ARCN1: variants seen among roughly 807,000 people sequenced by gnomAD.
ARCN1 encodes the protein archain 1 coat protein complex I subunit delta.
A neutral mutation model predicts 60.4 loss-of-function variants in ARCN1; 5 were observed. That is an observed-to-expected ratio of 0.08 (90% confidence interval 0.04 to 0.17). ARCN1 has a LOEUF of 0.17. ARCN1 is among the 10% of genes least tolerant of loss of function. The probability of loss-of-function intolerance (pLI) is 1.00; values close to 1 mark genes in which losing one functional copy is unlikely to be tolerated. For synonymous variants in ARCN1, 224 were observed against 220.0 expected (o/e 1.02, Z -0.16); for missense variants, 464 against 626.5 (o/e 0.74, Z 2.77).
intron 5 of ARCN1, among the ~76,000 whole-genome samples, chr11:118,585,282 A>G (rs781943174): frequency 2.6e-5 from 4 of 152,010 alleles, no homozygotes; most frequent in Non-Finnish European, 5.9e-5. Flanking sequence ...TCCTTAAACC[A>G]TGATTGGGGG....
intron 1 of ARCN1, chr11:118,572,943 T>C (rs894631321): frequency 4.2e-6 from 1 of 239,124 alleles, no homozygotes; most frequent in Non-Finnish European, 8.0e-6. Flanking sequence ...TGGGCCTGTC[T>C]CCGGAGGTTC....
intron 8 of ARCN1, among the ~76,000 whole-genome samples, chr11:118,595,747 T>C (rs1307391405): frequency 6.6e-6 from 1 of 152,258 alleles, no homozygotes; most frequent in East Asian, 1.9e-4. Flanking sequence ...TTTACTGTTA[T>C]GTCGCTCAGT....
At chr11:118,594,586 G>A (rs1938985037) in intron 8 of ARCN1, among the ~76,000 whole-genome samples, 1 of 152,040 alleles carries the variant, frequency 6.6e-6, no homozygotes, top group South Asian at 2.1e-4. Context: ...TTTCACTCTT[G>A]TTGCCCAGGC....
At chr11:118,584,397 C>T (rs1254826760) in intron 4 of ARCN1, 83 bp from the exon 5 acceptor site, 19 of 1,311,046 alleles carry the variant, frequency 1.4e-5, no homozygotes, top group Admixed American at 1.1e-4. Context: ...TTTCTCTGGA[C>T]GGGAGATACA....
chr11:118,579,316 C>T (rs1008825583), intron 1 of ARCN1, among the ~76,000 whole-genome samples: 3 of 152,002 alleles, frequency 2.0e-5, no homozygotes, highest in African/African-American at 7.2e-5. Flanking sequence ...AGGGAATTCC[C>T]TACTTTTCTG....
rs1406665234 is a variant in ARCN1, at chr11:118,584,735, CTCTG to C, written c.818+95_818+98del. The C allele has an allele frequency of 6.9e-6, 8 of 1,163,684 alleles. No individual in the cohort carries two copies. The East Asian group carries it at 8.0e-5, about 12-fold the overall frequency. The allele number at this position is 1,163,684 out of a possible 1,614,324, so 72.1% of individuals were successfully genotyped here. ...TATTTCAGTGTGCTATAAATTCTTT[CTCTG>C]TCTTTTAATCGTTCCTGATTTAAAA... On this transcript the variant is annotated intron_variant, in intron 5 of 9. Coordinates refer to ENST00000264028, the MANE Select transcript of ARCN1 (RefSeq NM_001655.5).
chr11:118,578,385 T>C (rs576431815), intron 1 of ARCN1, among the ~76,000 whole-genome samples: 16 of 152,222 alleles, frequency 1.1e-4, no homozygotes, highest in Non-Finnish European at 7.4e-5. Flanking sequence ...TTATTAGATA[T>C]GGGGTTTCTA....
intron 6 of ARCN1, among the ~76,000 whole-genome samples, chr11:118,592,406 G>C (rs1555076443): frequency 6.6e-6 from 1 of 152,102 alleles, no homozygotes; most frequent in East Asian, 1.9e-4. Flanking sequence ...CCTGCTCCCT[G>C]TGAAGTATTT....
chr11:118,581,843 C>T (rs1411967667), intron 2 of ARCN1, among the ~76,000 whole-genome samples: 2 of 152,030 alleles, frequency 1.3e-5, no homozygotes, highest in Non-Finnish European at 2.9e-5. Flanking sequence ...CAGACACACA[C>T]ACACACACCC....
rs1555075065 is a variant in ARCN1 at position 118,583,948 on chromosome 11, C to T, written c.587C>T (p.Thr196Ile). 1 of 1,614,226 alleles carries T rather than the reference C, an allele frequency of 6.2e-7. No individual in the cohort carries two copies. Among genetic ancestry groups the T allele is most frequent in the South Asian group, 1.1e-5 (1 of 91,084 alleles). Residue 196 changes from threonine to isoleucine, a missense_variant, in exon 4 of 10, where the codon ACA becomes ATA. By Grantham distance (89) the Thr-to-Ile change is moderately conservative. This residue lies in a region of ARCN1 where 359 missense variants were observed against 440.2 expected (regional missense o/e 0.82). Transcript: ENST00000264028. ...FGSSAVSGGS[T>I]AAMITETIIE... ...AGCTCTGCAGTATCTGGAGGCAGCA[C>T]AGCTGCCATGATCACAGAGACCATC...
rs1229176059 is a variant in ARCN1 at position 118,601,088 on chromosome 11, A to C, written c.*374A>C. On this transcript the variant is annotated 3_prime_UTR_variant, in exon 10 of 10. Transcript: ENST00000264028. ...TTATTATTATTATTTTTTGAGATGG[A>C]GTCTCACTTTGTAACCCAGGCTGGA... 6.6e-6 allele frequency: 1 copy of C among 151,350 alleles called. No homozygotes were observed. The highest frequency in any genetic ancestry group is 1.5e-5 in the Non-Finnish European group (1 of 68,112). The allele number at this position is 151,350 out of a possible 1,614,324, so 9.4% of individuals were successfully genotyped here.
At chr11:118,587,087 T>C (rs1350458243) in intron 5 of ARCN1, among the ~76,000 whole-genome samples, 1 of 152,184 alleles carries the variant, frequency 6.6e-6, no homozygotes, top group Admixed American at 6.5e-5. Flanking sequence ...TAACAAAATA[T>C]TTTTTGTAGC....
chr11:118,581,366 A>T lies in ARCN1; in HGVS notation c.124A>T (p.Thr42Ser). 2 of 1,614,202 alleles carry T rather than the reference A, an allele frequency of 1.2e-6. No homozygotes were observed. The highest frequency in any genetic ancestry group is 1.7e-6 in the Non-Finnish European group (2 of 1,180,036). The change falls in exon 2 of 10, where the codon ACT becomes TCT. Residue 42 changes from threonine (T) to serine (S), a missense_variant. This residue lies in a region of ARCN1 where 105 missense variants were observed against 186.3 expected (regional missense o/e 0.56). Coordinates refer to ENST00000264028, the MANE Select transcript of ARCN1 (RefSeq NM_001655.5). ...LLAAFPKLMN[T>S]GKQHTFVETE... ...AGCAGCTTTTCCAAAGCTCATGAAC[A>T]CTGGAAAACAACATACGTTTGTTGA...
At chr11:118,575,411 GGTGTGTGT>G (rs56934953) in intron 1 of ARCN1, among the ~76,000 whole-genome samples, 2 of 149,082 alleles carry the variant, frequency 1.3e-5, no homozygotes, top group Admixed American at 1.3e-4. Context: ...ACTGATAACG[GGTGTGTGT>G]GTGTGTGTGT....
At chr11:118,599,171 C>T (rs1255357836) in intron 9 of ARCN1, among the ~76,000 whole-genome samples, 1 of 151,870 alleles carries the variant, frequency 6.6e-6, no homozygotes, top group Non-Finnish European at 1.5e-5. Flanking sequence ...TGGTTCACTG[C>T]AACCTCTGCC....
At position 118,577,883 on chromosome 11, in the gene ARCN1, G is replaced by A. The variant is rs527251902; in HGVS notation, c.4-3363G>A. Among the ~76,000 whole-genome samples the A allele has an allele frequency of 7.9e-5, 12 of 152,302 alleles. No individual in the cohort carries two copies. The East Asian group carries it at 9.6e-4, about 12-fold the overall frequency. Reference sequence around the variant, plus strand: ...CATCAGTAAAGTGGATGGGCCAGGTGCAGTGGCTCACTCCTGTAATCCCAA... The same window carrying A: ...CATCAGTAAAGTGGATGGGCCAGGTACAGTGGCTCACTCCTGTAATCCCAA... On this transcript the variant is annotated intron_variant, in intron 1 of 9. Coordinates refer to ENST00000264028, the MANE Select transcript of ARCN1 (RefSeq NM_001655.5).
Position 118,590,323 on chromosome 11 carries a change from ATTAC to A in ARCN1, c.819-15_819-12del. ...GGTTTCTACCTTTCTGAACAAATGTATTACTTTCTCTTTATAGTGTACATATGAA... is the reference window on the plus strand; with the variant it reads ...GGTTTCTACCTTTCTGAACAAATGTATTTCTCTTTATAGTGTACATATGAA... On this transcript the variant is annotated splice_polypyrimidine_tract_variant and intron_variant, in intron 5 of 9. Coordinates refer to ENST00000264028, the MANE Select transcript of ARCN1 (RefSeq NM_001655.5). 6.2e-7 allele frequency: 1 copy of A among 1,604,002 alleles called. No homozygotes were observed. The highest frequency in any genetic ancestry group is 8.5e-7 in the Non-Finnish European group (1 of 1,172,756).
In ARCN1 at chr11:118,590,447, A is replaced by G. The variant is rs1555076135; in HGVS notation, c.925A>G (p.Lys309Glu). The G allele has an allele frequency of 1.9e-6, 3 of 1,614,234 alleles. No homozygotes were observed. Among genetic ancestry groups the G allele is most frequent in the East Asian group, 2.2e-5 (1 of 44,886 alleles). Residue 309 changes from lysine (K) to glutamate (E), a missense_variant, in exon 6 of 10, where the codon AAG becomes GAG. This residue lies in a region of ARCN1 where 359 missense variants were observed against 440.2 expected (regional missense o/e 0.82). Transcript: ENST00000264028. ...GMIMLRISDD[K>E]YGRIRLHVEN... The stretch of plus-strand genomic sequence containing the variant: ...GATCATGCTTAGGATCTCAGATGAC[A>G]AGTATGGCCGAATTCGTCTTCATGT...
In ARCN1 at chr11:118,601,358, A is replaced by C; in HGVS notation, c.*644A>C. 2.1e-6 allele frequency: 1 copy of C among 483,520 alleles called. No individual in the cohort carries two copies. The highest frequency in any genetic ancestry group is 3.9e-6 in the Non-Finnish European group (1 of 254,620). 30.0% of individuals were successfully genotyped at this position (483,520 alleles called of 1,614,324 possible). On this transcript the variant is annotated 3_prime_UTR_variant, in exon 10 of 10. Transcript: ENST00000264028. Reference sequence around the variant, plus strand: ...ATTACAGGCATGAGCCACCATGCCCAGCTGCTCCTTTATTTTAATCCCTAA... The same window carrying C: ...ATTACAGGCATGAGCCACCATGCCCCGCTGCTCCTTTATTTTAATCCCTAA...
Sources: gnomAD v4.1 joint callset for allele counts (sites outside exome capture counted in the v4.1 genomes callset) on GRCh38, gnomAD v4.1.1 for gene constraint, gnomAD v4.1.1 regional missense constraint, MANE v1.5 for transcripts, NCBI Gene and HGNC (gene_info 2026-07-23, HGNC 2026-07-21) for gene names.